The following STAB1 variants were observed in gnomAD, a reference collection of about 807,000 sequenced individuals.
STAB1 encodes the protein stabilin 1.
In STAB1, 250 loss-of-function variants were observed where a neutral mutation model predicts 332.4. The ratio of observed to expected loss-of-function variants is 0.75; its 90% CI spans 0.68 to 0.84. The LOEUF is 0.84. Ranked by LOEUF, STAB1 falls within the 40% of genes least tolerant of loss-of-function variation. The pLI, the probability that STAB1 is intolerant of heterozygous loss-of-function variation, is 0.00. For missense variants in STAB1, 3,249 were observed against 3,489.7 expected (o/e 0.93, Z 1.74); for synonymous variants, 1,475 against 1,390.4 (o/e 1.06, Z -1.35).
rs1161695466 is a variant in STAB1, at chr3:52,523,723, T to C, written c.7362T>C (p.Ala2454=). 2.5e-6 allele frequency: 4 copies of C among 1,604,786 alleles called. No homozygotes were observed. Among genetic ancestry groups the C allele is most frequent in the Non-Finnish European group, 2.6e-6 (3 of 1,173,346 alleles). The change falls in exon 66 of 69, where the codon GCT becomes GCC. Residue 2454 remains alanine, a synonymous_variant. Coordinates refer to ENST00000321725, the MANE Select transcript of STAB1 (RefSeq NM_015136.3). ...DIMAFNGIIH[A]LASPLLAPPQ... ...TGGCCTTCAATGGCATCATCCATGC[T>C]CTGGCCAGCCCCCTCCTGGCACCCC... is the stretch of plus-strand genomic sequence containing the variant.
chr3:52,513,313 C>G, intron 30 of STAB1, 72 bp downstream of exon 30: 1 of 1,435,850 alleles, frequency 7.0e-7, no homozygotes, highest in Non-Finnish European at 9.4e-7. Context: ...GCTGCAGGCT[C>G]TCCCACATCA....
Position 52,520,481 on chromosome 3 carries a change from G to A in STAB1, c.5581G>A (p.Asp1861Asn), listed in dbSNP as rs376900023. Residue 1861 changes from aspartate to asparagine, a missense_variant, in exon 53 of 69, where the codon GAC (aspartate) becomes AAC (asparagine). Asp to Asn is a conservative substitution (Grantham distance 23). Transcript: ENST00000321725. ...TGAGGGTGGCCTGGCCTATGGCATC[G>A]ACCAGCTGCTGGAGCCACCTGGCCT... ...PFEGGLAYGI[D>N]QLLEPPGLGA... The A allele has an allele frequency of 6.8e-6, 11 of 1,612,534 alleles. No homozygotes were observed. The highest frequency in any genetic ancestry group is 1.3e-5 in the African/African-American group (1 of 74,944).
intron 25 of STAB1, 34 bp from the exon 26 acceptor site, chr3:52,511,616 A>C: frequency 6.3e-7 from 1 of 1,577,926 alleles, no homozygotes; most frequent in Non-Finnish European, 8.6e-7. Flanking sequence ...GATGCTCATC[A>C]TGAGACAAGG....
intron 3 of STAB1, 65 bp downstream of exon 3, chr3:52,501,818 T>C: frequency 6.8e-7 from 1 of 1,474,926 alleles, no homozygotes; most frequent in Non-Finnish European, 9.3e-7. Context: ...GCAAGCCCTC[T>C]GCAGGAGCCA....
intron 19 of STAB1, 74 bp downstream of exon 19, chr3:52,507,749 G>A: frequency 6.3e-7 from 1 of 1,587,386 alleles, no homozygotes; most frequent in Non-Finnish European, 8.6e-7. Context: ...TCACAGGGGT[G>A]GGTGGGGGAA....
At chr3:52,515,372 T>C (rs112896975) in intron 36 of STAB1, 51 bp from the exon 37 acceptor site, 20,925 of 1,571,520 alleles carry the variant, frequency 0.013, 735 homozygotes, top group African/African-American at 0.13. Flanking sequence ...TTCACTGCCC[T>C]GCCCCTGCCC....
intron 44 of STAB1, 82 bp downstream of exon 44, chr3:52,517,706 A>AC: frequency 6.4e-7 from 1 of 1,553,672 alleles, no homozygotes. Flanking sequence ...CACCTCCAGC[A>AC]GGGTCCTAAG....
Position 52,512,855 on chromosome 3 carries a change from C to A in STAB1, c.3055C>A (p.Arg1019Ser). Residue 1019 changes from arginine (R) to serine (S), a missense_variant, in exon 29 of 69, where the codon CGC becomes AGC. Physicochemically the swap from Arg to Ser is moderately radical, Grantham distance 110 (BLOSUM62 -1). Coordinates refer to ENST00000321725, the MANE Select transcript of STAB1 (RefSeq NM_015136.3). Reference protein sequence around the residue: ...KSAGITLPADRRVTALVPSEA... With the variant: ...KSAGITLPADSRVTALVPSEA... ...TGCCGGCATCACGCTTCCTGCCGAC[C>A]GCCGAGTCACAGCCCTGGTGCCCTC... The A allele has an allele frequency of 1.2e-6, 2 of 1,610,362 alleles. No individual in the cohort carries two copies. The highest frequency in any genetic ancestry group is 1.7e-4 in the Middle Eastern group (1 of 6,036).
rs901679830 is a variant in STAB1, at chr3:52,507,644, C to G, written c.2021C>G (p.Thr674Ser). 16 of 1,613,690 alleles carry G rather than the reference C, an allele frequency of 9.9e-6. No homozygotes were observed. Among genetic ancestry groups the G allele is most frequent in the Non-Finnish European group, 1.3e-5 (15 of 1,180,012 alleles). The stretch of plus-strand genomic sequence containing the variant: ...TGTGTGGACTGCCAAGCCCTGAACA[C>G]CAGCACGTGTCCCCCCAACAGTGTG... Reference protein sequence around the residue: ...GSCVDCQALNTSTCPPNSVKL... With the variant: ...GSCVDCQALNSSTCPPNSVKL... Residue 674 changes from threonine to serine, a missense_variant, in exon 19 of 69, where the codon ACC becomes AGC. Thr to Ser is a moderately conservative substitution (Grantham distance 58). Transcript: ENST00000321725.
At position 52,522,377 on chromosome 3, in the gene STAB1, G is replaced by A. The variant is rs112141268; in HGVS notation, c.6513G>A (p.Leu2171=). The A allele has an allele frequency of 0.017, 27,265 of 1,613,034 alleles. 271 individuals are homozygous for A. Among genetic ancestry groups the A allele is most frequent in the Non-Finnish European group, 0.019 (22,977 of 1,180,020 alleles). The change falls in exon 60 of 69, where the codon CTG becomes CTA. Residue 2171 remains leucine, a synonymous_variant. Transcript: ENST00000321725. ...ECHAGYVGDG[L]QCLEESEPPV... ...ACGCAGGCTACGTAGGCGATGGACT[G>A]CAGTGTCTGGAGGAGTCGGAACCAC...
intron 5 of STAB1, 120 bp downstream of exon 5, chr3:52,502,348 C>A: frequency 8.8e-7 from 1 of 1,131,546 alleles, no homozygotes; most frequent in Non-Finnish European, 1.3e-6. Context: ...CTCAGATTTG[C>A]ACATCCCTTT....
chr3:52,516,484 G>A (rs1559706541), intron 39 of STAB1, 33 bp downstream of exon 39: 5 of 1,613,366 alleles, frequency 3.1e-6, no homozygotes, highest in Non-Finnish European at 4.2e-6. Context: ...GGGGCAGGTG[G>A]CTACTGAGGA....
rs1352186982 is a variant in STAB1, at chr3:52,514,745, C to T, written c.3723C>T (p.Ala1241=). 3 of 1,613,076 alleles carry T rather than the reference C, an allele frequency of 1.9e-6. No individual in the cohort carries two copies. Among genetic ancestry groups the T allele is most frequent in the Middle Eastern group, 1.6e-4 (1 of 6,062 alleles). Residue 1241 remains alanine (A), a synonymous_variant, in exon 35 of 69, where the codon GCC becomes GCT. Coordinates refer to ENST00000321725, the MANE Select transcript of STAB1 (RefSeq NM_015136.3). The stretch of plus-strand genomic sequence containing the variant: ...CACTGGAAGGCCCCATGCTGGAGGC[C>T]CCTGGCCGCTCGCTGATTGGTCTGT... ...HVPLEGPMLE[A]PGRSLIGLSG...
chr3:52,514,464 C>A lies in STAB1; in HGVS notation c.3646C>A (p.His1216Asn), dbSNP rs968763295. The change falls in exon 34 of 69, where the codon CAC becomes AAC. Residue 1216 changes from histidine (H) to asparagine (N), a missense_variant. By Grantham distance (68) the His-to-Asn change is moderately conservative. Transcript: ENST00000321725. ...GHRNSLLGPA[H>N]WIVFYNHSGQ... is the part of the protein sequence containing the mutation. ...CCGCAACTCCCTCCTGGGCCCTGCCCACTGGATCGTCTTCTACAACCACAG... is the reference window on the plus strand; with the variant it reads ...CCGCAACTCCCTCCTGGGCCCTGCCAACTGGATCGTCTTCTACAACCACAG... 1.0e-5 allele frequency: 16 copies of A among 1,539,520 alleles called. No individual in the cohort carries two copies. Among genetic ancestry groups the A allele is most frequent in the Non-Finnish European group, 1.4e-5 (16 of 1,145,072 alleles).
intron 36 of STAB1, 23 bp from the exon 37 acceptor site, chr3:52,515,400 C>T: frequency 1.2e-6 from 2 of 1,611,356 alleles, no homozygotes; most frequent in Non-Finnish European, 1.7e-6. Context: ...TGGCTGACCC[C>T]TCCTGCCTGT....
Position 52,519,539 on chromosome 3 carries a change from A to T in STAB1, c.5210A>T (p.Tyr1737Phe). The change falls in exon 50 of 69, where the codon TAC (tyrosine) becomes TTC (phenylalanine). Residue 1737 changes from tyrosine to phenylalanine, a missense_variant. Coordinates refer to ENST00000321725, the MANE Select transcript of STAB1 (RefSeq NM_015136.3). ...ACCGCCGCCGCCCAGGGCTTCGGTT[A>T]CAAGATCTTCAGCGGCCTCCTGAAG... ...NVTAAAQGFG[Y>F]KIFSGLLKVA... The T allele has an allele frequency of 6.2e-7, 1 of 1,613,304 alleles. No homozygotes were observed. Among genetic ancestry groups the T allele is most frequent in the Non-Finnish European group, 8.5e-7 (1 of 1,179,998 alleles).
rs548451168 is a variant in STAB1, at chr3:52,519,249, G to A, written c.5035-15G>A. The A allele has an allele frequency of 2.8e-5, 45 of 1,607,554 alleles. No individual in the cohort carries two copies. The East Asian group carries it at 4.7e-4, about 17-fold the overall frequency. ...CCCACCTATCTGCTTCATCAGCCCC[G>A]TGCCCCGCCCCCAGGGCAGCATATA... On this transcript the variant is annotated splice_polypyrimidine_tract_variant and intron_variant, in intron 48 of 68. Transcript: ENST00000321725.
At position 52,523,071 on chromosome 3, in the gene STAB1, C is replaced by T; in HGVS notation, c.6957C>T (p.Ser2319=). 2 of 1,571,216 alleles carry T rather than the reference C, an allele frequency of 1.3e-6. No homozygotes were observed. The highest frequency in any genetic ancestry group is 1.7e-6 in the Non-Finnish European group (2 of 1,156,602). The part of the protein sequence containing the change: ...CRNGFVGDGI[S]TCNGKLLDVL... ...ATGGCTTCGTGGGTGACGGGATCAG[C>T]ACGTGCAATGGGAAGCTGCTGGATG... Residue 2319 remains serine, a synonymous_variant, in exon 63 of 69, where the codon AGC becomes AGT. Transcript: ENST00000321725.
In STAB1 at chr3:52,517,615, CT is replaced by C; in HGVS notation, c.4630del (p.Cys1544AlafsTer47). 2 of 1,612,826 alleles carry C rather than the reference CT, an allele frequency of 1.2e-6. No homozygotes were observed. The highest frequency in any genetic ancestry group is 1.7e-6 in the Non-Finnish European group (2 of 1,179,888). On this transcript the variant is annotated frameshift_variant, in exon 44 of 69. Coordinates refer to ENST00000321725, the MANE Select transcript of STAB1 (RefSeq NM_015136.3). LOFTEE classifies it high-confidence loss of function. The part of the protein sequence containing the change: ...GIRTCELLDP[C>X]SKNNGGCSPY... ...TCCGGACCTGCGAGCTCCTGGACCCCTGCTCTAAGGTCAGGACCCTAGTCCT... is the reference window on the plus strand; with the variant it reads ...TCCGGACCTGCGAGCTCCTGGACCCCGCTCTAAGGTCAGGACCCTAGTCCT...
Sources: allele counts gnomAD v4.1 joint callset, GRCh38; gene constraint gnomAD v4.1.1; transcripts MANE v1.5; gene names NCBI Gene and HGNC (gene_info 2026-07-23, HGNC 2026-07-21).